RBM4: variants seen among roughly 807,000 people sequenced by gnomAD.
The protein encoded by RBM4 is RNA-binding protein 4.
A neutral mutation model predicts 29.5 loss-of-function variants in RBM4; 7 were observed. The ratio of observed to expected loss-of-function variants is 0.24; its 90% CI spans 0.14 to 0.45. The LOEUF is 0.45. Among genes scored for constraint, RBM4 ranks in the 20% least tolerant of loss-of-function variants. The pLI is 1.00. For missense variants in RBM4, 387 were observed against 502.3 expected, an observed-to-expected ratio of 0.77 and a Z score of 2.19; for synonymous variants, 220 against 205.4, an observed-to-expected ratio of 1.07 and a Z score of -0.61.
chr11:66,649,555 T>A (rs1183610641), downstream of RBM4, among the ~76,000 whole-genome samples: 1 of 152,188 alleles, frequency 6.6e-6, no homozygotes, highest in African/African-American at 2.4e-5. Flanking sequence ...AAGAGGTGAT[T>A]TGAAAAGATT....
chr11:66,653,361 G>GA lies in RBM4; in HGVS notation c.413-12494dup, dbSNP rs1554970490. ...TTATGATGATTCACTTCTACTTAATGATTTTTTTTTTTTTTTTTGAGAGGG... is the reference window on the plus strand; with the variant it reads ...TTATGATGATTCACTTCTACTTAATGAATTTTTTTTTTTTTTTTTGAGAGGG... On this transcript the variant is annotated intron_variant, in intron 2 of 2. Coordinates refer to the RBM4 transcript ENST00000396053. Among the ~76,000 whole-genome samples, 5 of 75,732 alleles carry GA rather than the reference G, an allele frequency of 6.6e-5. No homozygotes were observed. In the South Asian group the frequency reaches 2.8e-3, roughly 42 times the overall value. The allele number at this position is 75,732 out of a possible 152,430, so 49.7% of individuals were successfully genotyped here.
chr11:66,667,233 T>G (rs192702232), exon 3 of RBM4: 44 of 152,354 alleles, frequency 2.9e-4, no homozygotes, highest in African/African-American at 1.1e-3. Context: ...TCCACTCAGA[T>G]GAAAAGATTT....
chr11:66,662,193 C>T (rs963148030), intron 2 of RBM4, among the ~76,000 whole-genome samples: 5 of 152,112 alleles, frequency 3.3e-5, no homozygotes, highest in African/African-American at 1.2e-4. Context: ...CTACATGTAG[C>T]TAATTATAAT....
downstream of RBM4, among the ~76,000 whole-genome samples, chr11:66,648,984 CTT>C (rs1232136317): frequency 2.7e-5 from 4 of 150,670 alleles, no homozygotes; most frequent in East Asian, 7.7e-4. Context: ...TGCATTTTCT[CTT>C]TTTTAAACCA....
chr11:66,657,302 C>A (rs1938968160), intron 2 of RBM4, among the ~76,000 whole-genome samples: 1 of 150,756 alleles, frequency 6.6e-6, no homozygotes, highest in Admixed American at 6.6e-5. Flanking sequence ...TTATTTTTAT[C>A]TTTTGGTAGA....
intron 2 of RBM4, chr11:66,665,540 A>G: frequency 2.0e-6 from 3 of 1,503,688 alleles, no homozygotes; most frequent in Non-Finnish European, 2.7e-6. Context: ...GTTCTCATAT[A>G]TGACCGCAGC....
chr11:66,665,734 T>A, intron 2 of RBM4: 4 of 1,348,996 alleles, frequency 3.0e-6, no homozygotes, highest in Non-Finnish European at 4.0e-6. Flanking sequence ...CCCATGTAAT[T>A]ACCTAGGAGT....
chr11:66,655,735 AAG>A (rs760025352), intron 2 of RBM4, among the ~76,000 whole-genome samples: 3 of 152,164 alleles, frequency 2.0e-5, no homozygotes, highest in Non-Finnish European at 2.9e-5. Flanking sequence ...CCAGTGGCAA[AAG>A]AGTGAGTGGG....
At chr11:66,639,387 A>G (rs1020819064) in intron 1 of RBM4, 2 of 334,336 alleles carry the variant, frequency 6.0e-6, no homozygotes, top group African/African-American at 2.1e-5. Flanking sequence ...AGTGGATAGA[A>G]AAGCCTAGTA....
intron 2 of RBM4, among the ~76,000 whole-genome samples, chr11:66,663,435 G>A (rs1939123104): frequency 6.6e-6 from 1 of 152,128 alleles, no homozygotes; most frequent in South Asian, 2.1e-4. Context: ...CGTGATCTCG[G>A]CTCAGTGCAA....
rs1939044862 is a variant in RBM4 at position 66,660,090 on chromosome 11, A to G, written c.413-5766A>G. Among the ~76,000 whole-genome samples the G allele has an allele frequency of 1.3e-5, 2 of 148,214 alleles. 1 individual carries two copies. Among genetic ancestry groups the G allele is most frequent in the South Asian group, 4.2e-4 (2 of 4,740 alleles). ...TTCTGACCATACTGACTCTCCTTTC[A>G]GATCCTTGTATACACTGAGCTCTTT... On this transcript the variant is annotated intron_variant, in intron 2 of 2. Transcript: ENST00000396053.
rs369069490 is a variant in RBM4, at chr11:66,643,889, C to T, written c.852C>T (p.Ala284=). The T allele has an allele frequency of 1.0e-4, 161 of 1,613,260 alleles. No individual in the cohort carries two copies. The highest frequency in any genetic ancestry group is 1.3e-4 in the Non-Finnish European group (154 of 1,179,782). Residue 284 remains alanine, a synonymous_variant, in exon 3 of 4, where the codon GCC becomes GCT. Coordinates refer to ENST00000310092, the MANE Select transcript of RBM4 (RefSeq NM_002896.4). The surrounding 1 kb of genome is among the most constrained non-coding windows in gnomAD (Gnocchi z 6.1). The part of the protein sequence containing the change: ...RHLLPTSGAA[A]TAAAAAAAAA... ...TGTTGCCGACCTCAGGAGCTGCTGC[C>T]ACAGCTGCTGCTGCAGCAGCAGCCG...
chr11:66,651,771 C>T (rs988632169), intron 2 of RBM4, among the ~76,000 whole-genome samples: 1 of 152,086 alleles, frequency 6.6e-6, no homozygotes, highest in South Asian at 2.1e-4. Flanking sequence ...AGATCAAGGC[C>T]GTGGCAGACG....
intron 2 of RBM4, among the ~76,000 whole-genome samples, chr11:66,664,710 C>A (rs1033881446): frequency 6.6e-6 from 1 of 152,210 alleles, no homozygotes; most frequent in African/African-American, 2.4e-5. Flanking sequence ...CCACCTTGGC[C>A]TCCCAAAGTG....
intron 3 of RBM4, 86 bp from the exon 4 acceptor site, chr11:66,645,941 T>A: frequency 6.5e-7 from 1 of 1,534,270 alleles, no homozygotes; most frequent in Non-Finnish European, 8.7e-7. Context: ...TGTCAAGTTA[T>A]CAGACTTTGT....
In RBM4 at chr11:66,640,141, G is replaced by A; in HGVS notation, c.412+18G>A. 6.2e-7 allele frequency: 1 copy of A among 1,614,120 alleles called. No individual in the cohort carries two copies. The highest frequency in any genetic ancestry group is 8.5e-7 in the Non-Finnish European group (1 of 1,179,980). On this transcript the variant is annotated intron_variant, in intron 2 of 3. Transcript: ENST00000310092. Reference sequence around the variant, plus strand: ...GTTTCAAGGTGAACCACCCTCTTTGGGTAGAGGGCTGAACACAAGGCTGTG... The same window carrying A: ...GTTTCAAGGTGAACCACCCTCTTTGAGTAGAGGGCTGAACACAAGGCTGTG...
intron 2 of RBM4, among the ~76,000 whole-genome samples, chr11:66,658,868 C>T (rs762918121): frequency 1.3e-4 from 20 of 150,506 alleles, no homozygotes; most frequent in African/African-American, 4.6e-4. Flanking sequence ...ACCTGGGAGG[C>T]GGAGGTTCTA....
exon 3 of RBM4, chr11:66,667,601 T>G (rs1248475459): frequency 6.6e-6 from 1 of 152,146 alleles, no homozygotes; most frequent in Admixed American, 6.5e-5. Context: ...GTAAATGTCT[T>G]GGAAGTAAAC....
chr11:66,655,183 A>C (rs1362127793), intron 2 of RBM4, among the ~76,000 whole-genome samples: 1 of 151,644 alleles, frequency 6.6e-6, no homozygotes, highest in Non-Finnish European at 1.5e-5. Flanking sequence ...ATGGTGTTTC[A>C]CCATGTTGGC....
Sources: gnomAD v4.1 joint callset for allele counts (sites outside exome capture counted in the v4.1 genomes callset) on GRCh38, gnomAD v4.1.1 for gene constraint, Gnocchi (gnomAD v3.1) non-coding constraint, MANE v1.5 for transcripts, NCBI Gene and HGNC (gene_info 2026-07-23, HGNC 2026-07-21) for gene names.